CACNA2D1: variants seen among roughly 807,000 people sequenced by gnomAD.
CACNA2D1 encodes voltage-dependent calcium channel subunit alpha-2/delta-1.
CACNA2D1 carries 53 observed loss-of-function variants against 171.5 expected under a neutral mutation model. The observed-to-expected ratio is 0.31, with a 90% CI of 0.25 to 0.39. The LOEUF (loss-of-function observed/expected upper bound fraction) is 0.39. CACNA2D1 is among the 10% of genes least tolerant of loss of function. The pLI, the probability that CACNA2D1 is intolerant of heterozygous loss-of-function variation, is 1.00. For synonymous variants in CACNA2D1, 442 were observed against 443.1 expected, an observed-to-expected ratio of 1.00 and a Z score of 0.03; for missense variants, 903 against 1,299.8, an observed-to-expected ratio of 0.69 and a Z score of 4.69.
intron 9 of CACNA2D1, among the ~76,000 whole-genome samples, chr7:82,062,722 A>G (rs1584600089): frequency 1.0e-5 from 1 of 96,848 alleles, no homozygotes; most frequent in Non-Finnish European, 2.0e-5. Context: ...TACATTAGGT[A>G]TATCTCCTTT....
chr7:81,984,509 T>C (rs1340250716), intron 22 of CACNA2D1, 126 bp downstream of exon 22: 1 of 694,046 alleles, frequency 1.4e-6, no homozygotes, highest in East Asian at 2.8e-5. Flanking sequence ...ATCATTGCTG[T>C]AGATTTGGTA....
intron 3 of CACNA2D1, among the ~76,000 whole-genome samples, chr7:82,312,212 G>A (rs533133828): frequency 1.2e-4 from 18 of 152,162 alleles, no homozygotes; most frequent in South Asian, 4.1e-4. Context: ...TAGCATACCC[G>A]TTACTAGTTT....
chr7:81,995,854 G>A (rs1230596806), intron 19 of CACNA2D1, among the ~76,000 whole-genome samples: 2 of 150,030 alleles, frequency 1.3e-5, no homozygotes, highest in South Asian at 2.1e-4. Flanking sequence ...TATTCCAGTC[G>A]ACTGGCAATT....
At chr7:82,178,718 A>G (rs552811795) in intron 3 of CACNA2D1, among the ~76,000 whole-genome samples, 1 of 152,242 alleles carries the variant, frequency 6.6e-6, no homozygotes, top group African/African-American at 2.4e-5. Flanking sequence ...ATAGCAATAT[A>G]ATTATCCTGA....
intron 3 of CACNA2D1, among the ~76,000 whole-genome samples, chr7:82,217,394 C>CATACATATATATATATAT (rs1554466924): frequency 9.8e-6 from 1 of 102,562 alleles, no homozygotes; most frequent in African/African-American, 5.5e-5. Context: ...CACACACATA[C>CATACATATATATATATAT]ATATATATAT....
chr7:82,233,982 T>C (rs1331145768), intron 3 of CACNA2D1, among the ~76,000 whole-genome samples: 1 of 152,094 alleles, frequency 6.6e-6, no homozygotes, highest in East Asian at 1.9e-4. Context: ...TTTAAAGCCT[T>C]ATCACAACTG....
At chr7:82,259,413 T>C (rs966137842) in intron 3 of CACNA2D1, among the ~76,000 whole-genome samples, 1 of 152,198 alleles carries the variant, frequency 6.6e-6, no homozygotes, top group Middle Eastern at 3.2e-3. Flanking sequence ...TGTATATAAG[T>C]ATACCTCATT....
At chr7:82,410,499 C>G (rs1827527779) in intron 1 of CACNA2D1, 15 of 985,348 alleles carry the variant, frequency 1.5e-5, no homozygotes, top group Non-Finnish European at 1.8e-5. Flanking sequence ...AGAAAAATTA[C>G]CTCTTTCATG....
rs748886700 is a variant in CACNA2D1, at chr7:82,335,192, T to C, written c.237A>G (p.Val79=). Residue 79 remains valine (V), a synonymous_variant, in exon 3 of 39, where the codon GTA becomes GTG. Transcript: ENST00000356860. The part of the protein sequence containing the change: ...TVEPNNARQL[V]EIAARDIEKL... ...TCTCAATATCCCTGGCTGCAATTTCTACCAGCTGGCGTGCATTATTTGGTT... is the reference window on the plus strand; with the variant it reads ...TCTCAATATCCCTGGCTGCAATTTCCACCAGCTGGCGTGCATTATTTGGTT... The C allele has an allele frequency of 4.3e-6, 7 of 1,613,624 alleles. No homozygotes were observed. In the Admixed American group the frequency reaches 1.2e-4, roughly 27 times the overall value.
intron 18 of CACNA2D1, 100 bp downstream of exon 18, chr7:82,005,322 AT>A: frequency 1.3e-6 from 1 of 763,942 alleles, no homozygotes; most frequent in Non-Finnish European, 2.3e-6. Flanking sequence ...GTACTTTGAT[AT>A]TTAGTGTTAT....
intron 3 of CACNA2D1, among the ~76,000 whole-genome samples, chr7:82,206,664 G>A (rs1199609999): frequency 6.6e-6 from 1 of 151,988 alleles, no homozygotes; most frequent in Non-Finnish European, 1.5e-5. Flanking sequence ...AATGGCAGGA[G>A]GTAACCAATG....
At chr7:82,399,075 G>A (rs933045536) in intron 1 of CACNA2D1, among the ~76,000 whole-genome samples, 2 of 152,080 alleles carry the variant, frequency 1.3e-5, no homozygotes, top group African/African-American at 4.8e-5. Context: ...AATCTGGCTG[G>A]TTTGTGATTA....
At chr7:82,204,647 G>T (rs189093393) in intron 3 of CACNA2D1, among the ~76,000 whole-genome samples, 61 of 152,224 alleles carry the variant, frequency 4.0e-4, no homozygotes, top group Middle Eastern at 3.4e-3. Context: ...CTAGGGAGTG[G>T]AATGTAAGGC....
intron 4 of CACNA2D1, among the ~76,000 whole-genome samples, chr7:82,140,483 G>C (rs929481196): frequency 6.6e-6 from 1 of 152,000 alleles, no homozygotes; most frequent in African/African-American, 2.4e-5. Flanking sequence ...ATTTTAATAA[G>C]AATAAATTTA....
chr7:82,268,187 G>T (rs895006511), intron 3 of CACNA2D1, among the ~76,000 whole-genome samples: 1 of 152,118 alleles, frequency 6.6e-6, no homozygotes, highest in African/African-American at 2.4e-5. Context: ...AAGTATTTGC[G>T]AAATATTAAG....
chr7:82,122,924 G>A (rs1293834984), intron 5 of CACNA2D1, among the ~76,000 whole-genome samples: 1 of 152,150 alleles, frequency 6.6e-6, no homozygotes, highest in African/African-American at 2.4e-5. Context: ...ACCTTGAAAG[G>A]TACGAAGATC....
chr7:82,123,146 T>A (rs1321165895), intron 5 of CACNA2D1, among the ~76,000 whole-genome samples: 1 of 152,084 alleles, frequency 6.6e-6, no homozygotes, highest in South Asian at 2.1e-4. Context: ...GCTTGAAAAA[T>A]TTTGGAAAGC....
chr7:82,124,888 CT>C (rs775670272), intron 5 of CACNA2D1, among the ~76,000 whole-genome samples: 4 of 151,674 alleles, frequency 2.6e-5, no homozygotes, highest in African/African-American at 4.8e-5. Flanking sequence ...TATAAGACAG[CT>C]TTTTAAAAAA....
At chr7:82,165,449 G>A (rs1304146388) in intron 4 of CACNA2D1, among the ~76,000 whole-genome samples, 1 of 151,864 alleles carries the variant, frequency 6.6e-6, no homozygotes, top group Non-Finnish European at 1.5e-5. Context: ...TTTTTGACTA[G>A]GTAATTAATG....
Sources: gnomAD v4.1 joint callset for allele counts (sites outside exome capture counted in the v4.1 genomes callset) on GRCh38, gnomAD v4.1.1 for gene constraint, MANE v1.5 for transcripts, NCBI Gene and HGNC (gene_info 2026-07-23, HGNC 2026-07-21) for gene names.